The following TMEM97 variants were observed in gnomAD, a reference collection of about 807,000 sequenced individuals.
TMEM97 encodes the protein sigma intracellular receptor 2.
In TMEM97, 13 loss-of-function variants were observed where a neutral mutation model predicts 18.3. The ratio of observed to expected loss-of-function variants is 0.71; its 90% CI spans 0.46 to 1.13. The LOEUF is 1.13. TMEM97 is among the 50% of genes most tolerant of loss of function. The pLI is 0.00. For missense variants in TMEM97, 205 were observed against 210.5 expected, an observed-to-expected ratio of 0.97 and a Z score of 0.16; for synonymous variants, 76 against 85.3, an observed-to-expected ratio of 0.89 and a Z score of 0.60.
At chr17:28,321,803 T>G (rs933633718) in intron 1 of TMEM97, among the ~76,000 whole-genome samples, 5 of 131,032 alleles carry the variant, frequency 3.8e-5, no homozygotes, top group African/African-American at 1.4e-4. Flanking sequence ...CCAGAACCTG[T>G]GTGTGTGTGT....
rs1567777859 is a variant in TMEM97 at position 28,327,751 on chromosome 17, G to T, written c.*958G>T. 6.6e-6 allele frequency: 1 copy of T among 152,266 alleles called. No individual in the cohort carries two copies. Among genetic ancestry groups the T allele is most frequent in the African/African-American group, 2.4e-5 (1 of 41,556 alleles). The allele number at this position is 152,266 out of a possible 1,614,324, so 9.4% of individuals were successfully genotyped here. A position where few individuals can be genotyped will look rare whatever the true frequency, so the allele number is the denominator to read the frequency against. ...ATGGATTAAACTGGAAAATGTTTTT[G>T]TTTCTGTTGTAAACAGATCATCCTA... On this transcript the variant is annotated 3_prime_UTR_variant, in exon 3 of 3. Transcript: ENST00000226230.
At chr17:28,321,844 T>TGTGTC (rs1597777801) in intron 1 of TMEM97, among the ~76,000 whole-genome samples, 1 of 75,888 alleles carries the variant, frequency 1.3e-5, no homozygotes, top group Non-Finnish European at 3.0e-5. Context: ...GTGTGTGTGT[T>TGTGTC]TGTGTGAGAT....
rs545192436 is a variant in TMEM97 at position 28,322,832 on chromosome 17, A to G, written c.127-2671A>G. On this transcript the variant is annotated intron_variant, in intron 1 of 2. Coordinates refer to ENST00000226230, the MANE Select transcript of TMEM97 (RefSeq NM_014573.3). ...AGGGTGGGTTGAGTCAAATAGAGTC[A>G]GGTATAAGTGGAAACAGTTTCATTA... Among the ~76,000 whole-genome samples the G allele has an allele frequency of 5.7e-3, 837 of 148,072 alleles. 9 individuals carry two copies. Among genetic ancestry groups the G allele is most frequent in the Admixed American group, 0.029 (421 of 14,756 alleles).
At chr17:28,323,002 A>G (rs1906204164) in intron 1 of TMEM97, among the ~76,000 whole-genome samples, 1 of 152,250 alleles carries the variant, frequency 6.6e-6, no homozygotes. Flanking sequence ...TAAAGACTAC[A>G]TGTATTAAGT....
intron 1 of TMEM97, among the ~76,000 whole-genome samples, chr17:28,322,243 C>CT (rs367769241): frequency 0.033 from 4,765 of 142,836 alleles, 101 homozygotes; most frequent in Middle Eastern, 0.15. Flanking sequence ...GTTTTTCTTT[C>CT]TTTTTTTTTT....
Position 28,327,120 on chromosome 17 carries a change from T to C in TMEM97, c.*327T>C. The C allele has an allele frequency of 3.9e-6, 1 of 256,632 alleles. No individual in the cohort carries two copies. Among genetic ancestry groups the C allele is most frequent in the South Asian group, 6.3e-5 (1 of 15,928 alleles). The allele number at this position is 256,632 out of a possible 1,614,324, so 15.9% of individuals were successfully genotyped here. ...AGAACTACAGGTGTGTACCAACACG[T>C]ATGGCTAATTTGTTTTGTTTTTTTT... On this transcript the variant is annotated 3_prime_UTR_variant, in exon 3 of 3. Coordinates refer to ENST00000226230, the MANE Select transcript of TMEM97 (RefSeq NM_014573.3).
rs199533241 is a variant in TMEM97 at position 28,319,346 on chromosome 17, G to T, written c.107G>T (p.Arg36Leu). ...LFMDLQAVLPRELYPVEFRNL... is the reference protein window; with the variant it reads ...LFMDLQAVLPLELYPVEFRNL... ...ATGGACCTGCAGGCGGTGCTGCCGC[G>T]CGAGCTCTACCCAGTCGAGGTGAGG... Residue 36 changes from arginine (R) to leucine (L), a missense_variant, in exon 1 of 3, where the codon CGC (arginine) becomes CTC (leucine). By Grantham distance (102) the Arg-to-Leu change is moderately radical (BLOSUM62 -2). Transcript: ENST00000226230. 1.6e-5 allele frequency: 25 copies of T among 1,604,176 alleles called. No homozygotes were observed. In the African/African-American group the frequency reaches 3.4e-4, roughly 22 times the overall value.
intron 1 of TMEM97, among the ~76,000 whole-genome samples, chr17:28,324,508 CATA>C (rs1906262252): frequency 6.6e-6 from 1 of 152,132 alleles, no homozygotes; most frequent in Non-Finnish European, 1.5e-5. Flanking sequence ...CTTTATTAAT[CATA>C]ATATCAAGAC....
At position 28,323,266 on chromosome 17, in the gene TMEM97, A is replaced by G. The variant is rs565065986; in HGVS notation, c.127-2237A>G. ...GTTACGATTATGATAATTCATTATT[A>G]CGACATCTGGGTGATTGTTTTTTAA... is the stretch of plus-strand genomic sequence containing the variant. On this transcript the variant is annotated intron_variant, in intron 1 of 2. Coordinates refer to ENST00000226230, the MANE Select transcript of TMEM97 (RefSeq NM_014573.3). Among the ~76,000 whole-genome samples the G allele has an allele frequency of 7.9e-5, 12 of 152,300 alleles. 1 individual carries two copies. The highest frequency in any genetic ancestry group is 2.9e-4 in the African/African-American group (12 of 41,560).
chr17:28,322,232 T>C lies in TMEM97; in HGVS notation c.126+2867T>C, dbSNP rs115667158. On this transcript the variant is annotated intron_variant, in intron 1 of 2. Coordinates refer to ENST00000226230, the MANE Select transcript of TMEM97 (RefSeq NM_014573.3). ...AAAACTCATTTTTTTATTTACTTTTTGTTTTTCTTTCTTTTTTTTTTTTGA... is the reference window on the plus strand; with the variant it reads ...AAAACTCATTTTTTTATTTACTTTTCGTTTTTCTTTCTTTTTTTTTTTTGA... Among the ~76,000 whole-genome samples, 652 of 151,954 alleles carry C rather than the reference T, an allele frequency of 4.3e-3. 7 individuals are homozygous for C. The highest frequency in any genetic ancestry group is 0.015 in the African/African-American group (625 of 41,476).
Position 28,319,304 on chromosome 17 carries a change from T to G in TMEM97, c.65T>G (p.Ile22Ser), listed in dbSNP as rs372950250. Residue 22 changes from isoleucine (I) to serine (S), a missense_variant, in exon 1 of 3, where the codon ATC becomes AGC. Coordinates refer to ENST00000226230, the MANE Select transcript of TMEM97 (RefSeq NM_014573.3). The stretch of plus-strand genomic sequence containing the variant: ...CTGGGCCTCTACTTCCTCAGCCACA[T>G]CCCCATCACCCTGTTCATGGACCTG... The part of the protein sequence containing the change: ...WLLGLYFLSH[I>S]PITLFMDLQA... 1.6e-5 allele frequency: 25 copies of G among 1,611,352 alleles called. No homozygotes were observed. Among genetic ancestry groups the G allele is most frequent in the Non-Finnish European group, 2.0e-5 (23 of 1,178,884 alleles).
In TMEM97 at chr17:28,328,475, ATGT is replaced by A; in HGVS notation, c.*1684_*1686del. 1.6e-6 allele frequency: 1 copy of A among 622,414 alleles called. No homozygotes were observed. Among genetic ancestry groups the A allele is most frequent in the East Asian group, 2.8e-5 (1 of 35,738 alleles). The allele number at this position is 622,414 out of a possible 1,614,324, so 38.6% of individuals were successfully genotyped here. ...GGCCACCAGCAGCAGCTGTGCACTG[ATGT>A]TAAAACTGGCTCCCCCAGACTTGTA... On this transcript the variant is annotated 3_prime_UTR_variant, in exon 3 of 3. Coordinates refer to ENST00000226230, the MANE Select transcript of TMEM97 (RefSeq NM_014573.3).
chr17:28,325,398 G>T (rs1906290395), intron 1 of TMEM97, 105 bp from the exon 2 acceptor site: 3 of 1,445,352 alleles, frequency 2.1e-6, no homozygotes, highest in Non-Finnish European at 1.9e-6. Flanking sequence ...GTAGTGGGGG[G>T]TGGCTAATTA....
In TMEM97 at chr17:28,326,917, A is replaced by G; in HGVS notation, c.*124A>G. 8.2e-7 allele frequency: 1 copy of G among 1,220,042 alleles called. No individual in the cohort carries two copies. Among genetic ancestry groups the G allele is most frequent in the Non-Finnish European group, 1.1e-6 (1 of 877,972 alleles). The allele number at this position is 1,220,042 out of a possible 1,614,324, so 75.6% of individuals were successfully genotyped here. ...ATTTGAAACACTGGCAGCAATGCAC[A>G]AGAGCAAGATGGTGTCAGGAACCAT... On this transcript the variant is annotated 3_prime_UTR_variant, in exon 3 of 3. Coordinates refer to ENST00000226230, the MANE Select transcript of TMEM97 (RefSeq NM_014573.3).
At position 28,327,620 on chromosome 17, in the gene TMEM97, C is replaced by A. The variant is rs1906416241; in HGVS notation, c.*827C>A. On this transcript the variant is annotated 3_prime_UTR_variant, in exon 3 of 3. Coordinates refer to ENST00000226230, the MANE Select transcript of TMEM97 (RefSeq NM_014573.3). ...TAATTCAAAACTATATCAATGTTTT[C>A]TTGTTCCCACCTCTAACCCAAGGAA... 6.6e-6 allele frequency: 1 copy of A among 152,174 alleles called. No individual in the cohort carries two copies. The highest frequency in any genetic ancestry group is 1.5e-5 in the Non-Finnish European group (1 of 68,018). 9.4% of individuals were successfully genotyped at this position (152,174 alleles called of 1,614,324 possible).
rs782722957 is a variant in TMEM97 at position 28,319,271 on chromosome 17, A to T, written c.32A>T (p.Glu11Val). 11 of 1,610,226 alleles carry T rather than the reference A, an allele frequency of 6.8e-6. No homozygotes were observed. Among genetic ancestry groups the T allele is most frequent in the Non-Finnish European group, 9.3e-6 (11 of 1,178,414 alleles). ...GCTCCGGCAACCAGGCGCTGCGTGGAGTGGCTGCTGGGCCTCTACTTCCTC... is the reference window on the plus strand; with the variant it reads ...GCTCCGGCAACCAGGCGCTGCGTGGTGTGGCTGCTGGGCCTCTACTTCCTC... MGAPATRRCVEWLLGLYFLSH... is the reference protein window; with the variant it reads MGAPATRRCVVWLLGLYFLSH... The change falls in exon 1 of 3, where the codon GAG (glutamate) becomes GTG (valine). Residue 11 changes from glutamate to valine, a missense_variant. Transcript: ENST00000226230.
rs1217754342 is a variant in TMEM97 at position 28,326,945 on chromosome 17, C to G, written c.*152C>G. ...AGCAAGATGGTGTCAGGAACCATGT[C>G]AAACCCTCACCTTCTTCCATTTTTT... On this transcript the variant is annotated 3_prime_UTR_variant, in exon 3 of 3. Coordinates refer to ENST00000226230, the MANE Select transcript of TMEM97 (RefSeq NM_014573.3). 1 of 944,192 alleles carries G rather than the reference C, an allele frequency of 1.1e-6. No homozygotes were observed. The highest frequency in any genetic ancestry group is 1.6e-6 in the Non-Finnish European group (1 of 635,086). The allele number at this position is 944,192 out of a possible 1,614,324, so 58.5% of individuals were successfully genotyped here.
intron 1 of TMEM97, among the ~76,000 whole-genome samples, chr17:28,320,494 A>G (rs1335329894): frequency 4.6e-5 from 7 of 152,216 alleles, no homozygotes; most frequent in African/African-American, 1.7e-4. Flanking sequence ...AGCAAGTTGC[A>G]GTCTGGGGAC....
At chr17:28,321,261 G>A (rs1391192892) in intron 1 of TMEM97, among the ~76,000 whole-genome samples, 1 of 152,130 alleles carries the variant, frequency 6.6e-6, no homozygotes. Context: ...TTTAATACTT[G>A]GTAATTAGCC....
Sources: allele counts gnomAD v4.1 joint callset (sites outside exome capture counted in the v4.1 genomes callset), GRCh38; gene constraint gnomAD v4.1.1; transcripts MANE v1.5; gene names NCBI Gene and HGNC (gene_info 2026-07-23, HGNC 2026-07-21).